Variants in UBE4B observed in about 807,000 individuals in gnomAD.
UBE4B encodes the protein ubiquitination factor E4B.
In UBE4B, 27 loss-of-function variants were observed where a neutral mutation model predicts 148.1. That is an observed-to-expected ratio of 0.18 (90% CI 0.13 to 0.25). UBE4B has a LOEUF of 0.25. UBE4B is among the 10% of genes least tolerant of loss of function. The pLI, the probability that UBE4B is intolerant of heterozygous loss-of-function variation, is 1.00. For missense variants in UBE4B, 1,170 were observed against 1,662.4 expected, an observed-to-expected ratio of 0.70 and a Z score of 5.15; for synonymous variants, 596 against 619.3, an observed-to-expected ratio of 0.96 and a Z score of 0.56.
chr1:10,179,825 C>T (rs1275708163), intron 27 of UBE4B, 70 bp from the exon 28 acceptor site: 7 of 1,575,988 alleles, frequency 4.4e-6, no homozygotes, highest in African/African-American at 2.7e-5. Flanking sequence ...TTATACAGAG[C>T]GACAAGCATC....
At chr1:10,035,164 A>AT (rs1643457748) in intron 1 of UBE4B, among the ~76,000 whole-genome samples, 1 of 147,574 alleles carries the variant, frequency 6.8e-6, no homozygotes, top group East Asian at 2.1e-4. Flanking sequence ...ACGCCCGGCT[A>AT]TTTTTTGTAT....
At chr1:10,060,253 T>C (rs1644258764) in intron 1 of UBE4B, among the ~76,000 whole-genome samples, 2 of 152,192 alleles carry the variant, frequency 1.3e-5, no homozygotes, top group African/African-American at 4.8e-5. Context: ...TGGCATAGCC[T>C]ATTCCACACG....
At chr1:10,050,244 G>A (rs1013637792) in intron 1 of UBE4B, among the ~76,000 whole-genome samples, 2 of 152,154 alleles carry the variant, frequency 1.3e-5, no homozygotes, top group Non-Finnish European at 2.9e-5. Context: ...GCTAATTTTC[G>A]TATGTTTAGT....
rs955028755 is a variant in UBE4B at position 10,137,025 on chromosome 1, A to T, written c.2225-42A>T. On this transcript the variant is annotated intron_variant, in intron 16 of 27. Coordinates refer to ENST00000343090, the MANE Select transcript of UBE4B (RefSeq NM_001105562.3). ...ATTCAGCTTTTTCTCTGATTGAGACATGTAATAGATTTTATTTAGGGAATG... is the reference window on the plus strand; with the variant it reads ...ATTCAGCTTTTTCTCTGATTGAGACTTGTAATAGATTTTATTTAGGGAATG... 9 of 1,610,162 alleles carry T rather than the reference A, an allele frequency of 5.6e-6. No homozygotes were observed. The African/African-American group carries it at 1.1e-4, about 19-fold the overall frequency.
chr1:10,163,583 G>T (rs147924635), intron 23 of UBE4B, among the ~76,000 whole-genome samples: 7,683 of 151,742 alleles, frequency 0.051, 514 homozygotes, highest in East Asian at 0.22. Context: ...CAGGATAATT[G>T]CTTGAACCCG....
chr1:10,060,523 T>TC (rs1644264433), intron 1 of UBE4B, among the ~76,000 whole-genome samples: 1 of 152,148 alleles, frequency 6.6e-6, no homozygotes, highest in African/African-American at 2.4e-5. Context: ...CTCTCTGACT[T>TC]CCCCAGGAGA....
At chr1:10,148,809 A>G (rs1645923014) in intron 19 of UBE4B, among the ~76,000 whole-genome samples, 1 of 151,506 alleles carries the variant, frequency 6.6e-6, no homozygotes, top group African/African-American at 2.4e-5. Context: ...GTATGGTGGC[A>G]CGTGCCTGTA....
chr1:10,173,103 CTG>C (rs1418512810), intron 25 of UBE4B, among the ~76,000 whole-genome samples: 1 of 152,204 alleles, frequency 6.6e-6, no homozygotes, highest in Non-Finnish European at 1.5e-5. Context: ...CGACACATGA[CTG>C]TGTGTCTAAA....
At chr1:10,084,704 CT>C (rs1222393113) in intron 2 of UBE4B, among the ~76,000 whole-genome samples, 67 of 143,786 alleles carry the variant, frequency 4.7e-4, no homozygotes, top group Admixed American at 2.1e-3. Context: ...TCTTTTTTTT[CT>C]TTTTTTTTTT....
chr1:10,054,176 G>T (rs1440744370), intron 1 of UBE4B, among the ~76,000 whole-genome samples: 1 of 151,410 alleles, frequency 6.6e-6, no homozygotes, highest in African/African-American at 2.4e-5. Flanking sequence ...TGATTTAGAG[G>T]GACTATCTTC....
rs185346063 is a variant in UBE4B, at chr1:10,053,536, A to G, written c.25-18492A>G. Among the ~76,000 whole-genome samples the G allele has an allele frequency of 8.0e-3, 1,216 of 151,994 alleles. 12 individuals are homozygous for G. The highest frequency in any genetic ancestry group is 0.027 in the African/African-American group (1,121 of 41,426). ...GTGGCACAATCAAGTTCTGGGGTATATGGGCTGGATGTGTAAGTTTGTTAC... is the reference window on the plus strand; with the variant it reads ...GTGGCACAATCAAGTTCTGGGGTATGTGGGCTGGATGTGTAAGTTTGTTAC... On this transcript the variant is annotated intron_variant, in intron 1 of 27. Coordinates refer to ENST00000343090, the MANE Select transcript of UBE4B (RefSeq NM_001105562.3).
chr1:10,148,770 T>C (rs1263396127), intron 19 of UBE4B, among the ~76,000 whole-genome samples: 4 of 151,874 alleles, frequency 2.6e-5, no homozygotes, highest in Non-Finnish European at 4.4e-5. Context: ...TGAAACCCTG[T>C]CTCTATTGAA....
chr1:10,055,663 T>G (rs1422308442), intron 1 of UBE4B, among the ~76,000 whole-genome samples: 1 of 152,186 alleles, frequency 6.6e-6, no homozygotes, highest in East Asian at 1.9e-4. Context: ...CTCATGCCTG[T>G]AATCCCAGCA....
chr1:10,168,577 A>G lies in UBE4B; in HGVS notation c.3333+307A>G, dbSNP rs1282523875. On this transcript the variant is annotated intron_variant, in intron 24 of 27. Transcript: ENST00000343090. The surrounding 1 kb of genome is among the most constrained non-coding windows in gnomAD (Gnocchi z 4.9). ...TCATGACATATTTTTACCATTATTG[A>G]TTCCTATATTTTACTTATAGAAAAA... Among the ~76,000 whole-genome samples, 1 of 152,162 alleles carries G rather than the reference A, an allele frequency of 6.6e-6. No individual in the cohort carries two copies. Among genetic ancestry groups the G allele is most frequent in the Non-Finnish European group, 1.5e-5 (1 of 68,028 alleles).
chr1:10,114,215 G>T (rs958301626), intron 7 of UBE4B, among the ~76,000 whole-genome samples: 1 of 152,086 alleles, frequency 6.6e-6, no homozygotes, highest in Non-Finnish European at 1.5e-5. Flanking sequence ...ATCTGCAAGA[G>T]CTGTTCATAG....
chr1:10,072,268 T>G, intron 2 of UBE4B, 54 bp downstream of exon 2: 1 of 1,573,334 alleles, frequency 6.4e-7, no homozygotes. Flanking sequence ...TAGCTTTTTG[T>G]TAAGCTGATG....
At chr1:10,034,205 T>A (rs1015803191) in intron 1 of UBE4B, among the ~76,000 whole-genome samples, 1 of 152,210 alleles carries the variant, frequency 6.6e-6, no homozygotes, top group Non-Finnish European at 1.5e-5. Flanking sequence ...CTTTGATATT[T>A]AACAAAATAT....
At chr1:10,177,390 C>T (rs911000426) in intron 25 of UBE4B, among the ~76,000 whole-genome samples, 13 of 152,050 alleles carry the variant, frequency 8.5e-5, no homozygotes, top group African/African-American at 2.4e-4. Flanking sequence ...GCCGTGGTGG[C>T]GCACACCTGA....
rs747455511 is a variant in UBE4B at position 10,126,892 on chromosome 1, T to A, written c.1638+15T>A. On this transcript the variant is annotated intron_variant, in intron 11 of 27. Transcript: ENST00000343090. ...ACCCCCTCATGGTAAAACTTTGTTC[T>A]TTTTCTTTAACTCATTCAATAGATG... 1.2e-6 allele frequency: 2 copies of A among 1,604,104 alleles called. No individual in the cohort carries two copies. The highest frequency in any genetic ancestry group is 1.7e-6 in the Non-Finnish European group (2 of 1,171,536).
Sources: allele counts gnomAD v4.1 joint callset (sites outside exome capture counted in the v4.1 genomes callset), GRCh38; gene constraint gnomAD v4.1.1; non-coding constraint Gnocchi (gnomAD v3.1); transcripts MANE v1.5; gene names NCBI Gene and HGNC (gene_info 2026-07-23, HGNC 2026-07-21).